MALL: variants seen among roughly 807,000 people sequenced by gnomAD.
MALL encodes the protein mal, T cell differentiation protein like.
MALL carries 2 observed loss-of-function variants against 10.3 expected under a neutral mutation model. The ratio of observed to expected loss-of-function variants is 0.19; its 90% CI spans 0.08 to 0.61. The LOEUF (loss-of-function observed/expected upper bound fraction) is 0.61. MALL is among the 20% of genes least tolerant of loss of function. The pLI is 0.88. For synonymous variants in MALL, 27 were observed against 51.8 expected, an observed-to-expected ratio of 0.52 and a Z score of 2.05; for missense variants, 39 against 115.2, an observed-to-expected ratio of 0.34 and a Z score of 3.03.
chr2:110,112,779 C>G (rs1391840101), intron 1 of MALL, among the ~76,000 whole-genome samples: 3 of 151,900 alleles, frequency 2.0e-5, no homozygotes, highest in Admixed American at 6.6e-5. Context: ...AAGATACTTG[C>G]ACACACATGT....
intron 1 of MALL, among the ~76,000 whole-genome samples, chr2:110,100,505 G>C (rs75900917): frequency 1.3e-5 from 2 of 151,820 alleles, no homozygotes; most frequent in African/African-American, 2.4e-5. Context: ...AAGCAGACTA[G>C]GATGTAAAGT....
At chr2:110,108,932 A>G (rs779251195) in intron 1 of MALL, among the ~76,000 whole-genome samples, 3 of 152,212 alleles carry the variant, frequency 2.0e-5, no homozygotes, top group Non-Finnish European at 4.4e-5. Context: ...TTTCATATCT[A>G]GCAAAACTAA....
intron 1 of MALL, among the ~76,000 whole-genome samples, chr2:110,099,279 G>C (rs1678511882): frequency 6.6e-6 from 1 of 152,176 alleles, no homozygotes; most frequent in South Asian, 2.1e-4. Flanking sequence ...AGCTGGGAAT[G>C]TGTGTGCGTG....
intron 1 of MALL, among the ~76,000 whole-genome samples, chr2:110,096,383 C>T (rs1678440675): frequency 6.6e-6 from 1 of 152,060 alleles, no homozygotes; most frequent in Non-Finnish European, 1.5e-5. Flanking sequence ...CCTCTGTGTG[C>T]CTATCTATCA....
chr2:110,106,507 TTA>T (rs1436069838), intron 1 of MALL, among the ~76,000 whole-genome samples: 1 of 152,190 alleles, frequency 6.6e-6, no homozygotes, highest in Non-Finnish European at 1.5e-5. Flanking sequence ...CACTTGGAGA[TTA>T]TGTTTCAAAA....
At chr2:110,097,364 G>A (rs796441758) in intron 1 of MALL, 14 of 429,762 alleles carry the variant, frequency 3.3e-5, no homozygotes, top group African/African-American at 2.0e-4. Context: ...CCCTGTTCAC[G>A]TTTAAACTAA....
At chr2:110,097,143 A>C (rs1412310434) in intron 1 of MALL, among the ~76,000 whole-genome samples, 2 of 152,020 alleles carry the variant, frequency 1.3e-5, no homozygotes, top group Non-Finnish European at 2.9e-5. Context: ...AATGGAACAA[A>C]CTCCAAGAAT....
intron 1 of MALL, among the ~76,000 whole-genome samples, chr2:110,098,091 T>C (rs769228728): frequency 7.9e-5 from 12 of 151,888 alleles, no homozygotes; most frequent in Non-Finnish European, 1.6e-4. Context: ...AGGCTCCCTC[T>C]GCCATTGTGA....
rs149020129 is a variant in MALL, at chr2:110,110,591, A to C, written c.105+5097T>G. On this transcript the variant is annotated intron_variant, in intron 1 of 3. Coordinates refer to ENST00000272462, the MANE Select transcript of MALL (RefSeq NM_005434.5). Reference sequence around the variant, plus strand: ...AATGGTAATTTAAAAATTACCAACAAAAAAAGTCCAAGAACGGATGGATTC... The same window carrying C: ...AATGGTAATTTAAAAATTACCAACACAAAAAGTCCAAGAACGGATGGATTC... Among the ~76,000 whole-genome samples the C allele has an allele frequency of 1.0e-2, 1,520 of 152,228 alleles. 24 individuals carry two copies. The highest frequency in any genetic ancestry group is 0.035 in the African/African-American group (1,464 of 41,538).
At chr2:110,113,670 A>C (rs186273044) in intron 1 of MALL, among the ~76,000 whole-genome samples, 1 of 152,230 alleles carries the variant, frequency 6.6e-6, no homozygotes, top group East Asian at 1.9e-4. Context: ...TCCCAAATTA[A>C]AGGAGATGAA....
intron 1 of MALL, among the ~76,000 whole-genome samples, chr2:110,102,341 C>CCCCTAGGA (rs1367099675): frequency 7.0e-6 from 1 of 142,264 alleles, no homozygotes; most frequent in Non-Finnish European, 1.6e-5. Flanking sequence ...CAGCATACCT[C>CCCCTAGGA]CCCTAGGATC....
At chr2:110,111,970 C>T (rs1192175509) in intron 1 of MALL, among the ~76,000 whole-genome samples, 1 of 152,058 alleles carries the variant, frequency 6.6e-6, no homozygotes, top group Non-Finnish European at 1.5e-5. Flanking sequence ...CAAACAAAAA[C>T]ATAATGTGGG....
chr2:110,095,790 G>T (rs887228852), intron 1 of MALL, among the ~76,000 whole-genome samples: 1 of 152,056 alleles, frequency 6.6e-6, no homozygotes, highest in African/African-American at 2.4e-5. Context: ...TGGAGAGGGA[G>T]GTTGAGCCTG....
chr2:110,096,485 T>A (rs1372621133), intron 1 of MALL, among the ~76,000 whole-genome samples: 1 of 151,750 alleles, frequency 6.6e-6, no homozygotes, highest in Non-Finnish European at 1.5e-5. Flanking sequence ...ATGTTGGCTG[T>A]AGTAGCCATA....
intron 1 of MALL, among the ~76,000 whole-genome samples, chr2:110,106,248 C>T (rs902843134): frequency 6.6e-6 from 1 of 152,138 alleles, no homozygotes; most frequent in Non-Finnish European, 1.5e-5. Context: ...CCTGGGTGAG[C>T]TTGCAGCTTC....
At position 110,095,264 on chromosome 2, in the gene MALL, T is replaced by C. The variant is rs150352987; in HGVS notation, c.106-3494A>G. 8.6e-4 allele frequency among the ~76,000 whole-genome samples: 131 copies of C among 152,314 alleles called. 1 individual carries two copies. The East Asian group carries it at 0.015, about 17-fold the overall frequency. ...CCTAAACTGCTTTCCCATTTTAATG[T>C]TTATTTTTGTATTTCCTCAGAGCGG... On this transcript the variant is annotated intron_variant, in intron 1 of 3. Transcript: ENST00000272462.
intron 1 of MALL, among the ~76,000 whole-genome samples, chr2:110,098,913 G>C (rs1293221814): frequency 6.6e-6 from 1 of 151,880 alleles, no homozygotes; most frequent in Non-Finnish European, 1.5e-5. Context: ...GAGATGGGAG[G>C]ATCACTTGAG....
intron 1 of MALL, chr2:110,097,419 G>A (rs1181053062): frequency 8.9e-6 from 4 of 451,748 alleles, no homozygotes; most frequent in Admixed American, 4.8e-5. Context: ...AGAAAGTCGC[G>A]TGGGCACTGG....
chr2:110,105,985 A>C (rs1182489668), intron 1 of MALL, among the ~76,000 whole-genome samples: 1 of 152,206 alleles, frequency 6.6e-6, no homozygotes, highest in Non-Finnish European at 1.5e-5. Context: ...GGAAGAGCTC[A>C]GGATGAACTT....
Sources: gnomAD v4.1 joint callset for allele counts (sites outside exome capture counted in the v4.1 genomes callset) on GRCh38, gnomAD v4.1.1 for gene constraint, MANE v1.5 for transcripts, NCBI Gene and HGNC (gene_info 2026-07-23, HGNC 2026-07-21) for gene names.